Variants in HDAC9 observed in about 807,000 individuals in gnomAD.
HDAC9 encodes MEF-2 interacting transcription repressor (MITR) protein.
In HDAC9, 41 loss-of-function variants were observed where a neutral mutation model predicts 139.4. The ratio of observed to expected loss-of-function variants is 0.29; its 90% CI spans 0.23 to 0.38. The LOEUF is 0.38. Ranked by LOEUF, HDAC9 falls within the 10% of genes least tolerant of loss-of-function variation. The pLI, the probability that HDAC9 is intolerant of heterozygous loss-of-function variation, is 1.00. For missense variants in HDAC9, 1,147 were observed against 1,297.0 expected, an observed-to-expected ratio of 0.88 and a Z score of 1.78; for synonymous variants, 517 against 476.2, an observed-to-expected ratio of 1.09 and a Z score of -1.12.
At chr7:18,320,802 T>C (rs1339714114) in intron 1 of HDAC9, among the ~76,000 whole-genome samples, 1 of 152,138 alleles carries the variant, frequency 6.6e-6, no homozygotes, top group African/African-American at 2.4e-5. Flanking sequence ...GAAAGAGCAC[T>C]GGGCCGGGGG....
At chr7:18,505,869 TG>T (rs1799628921) in intron 2 of HDAC9, 1 of 152,230 alleles carries the variant, frequency 6.6e-6, no homozygotes, top group Non-Finnish European at 1.5e-5. Context: ...CATTAAAACC[TG>T]CAGATGTCCA....
intron 2 of HDAC9, among the ~76,000 whole-genome samples, chr7:18,579,834 T>C (rs1827220432): frequency 6.6e-6 from 1 of 152,052 alleles, no homozygotes; most frequent in African/African-American, 2.4e-5. Context: ...AACCTATTAT[T>C]TTGAACTCTA....
intron 1 of HDAC9, among the ~76,000 whole-genome samples, chr7:18,150,703 C>T (rs1288333763): frequency 6.6e-6 from 1 of 152,204 alleles, no homozygotes; most frequent in Non-Finnish European, 1.5e-5. Flanking sequence ...TGTTCCAACA[C>T]TGCTACTCCT....
At position 18,142,251 on chromosome 7, in the gene HDAC9, G is replaced by T. The variant is rs567543717; in HGVS notation, c.-96-19978G>T. ...AAAGGATTAGACATGTCTTAATTTG[G>T]CCCAAATAAGTAACTTAATTTGGCC... On this transcript the variant is annotated intron_variant, in intron 1 of 12. Transcript: ENST00000417496. 2.0e-5 allele frequency among the ~76,000 whole-genome samples: 3 copies of T among 152,080 alleles called. 1 individual carries two copies. The highest frequency in any genetic ancestry group is 4.8e-5 in the African/African-American group (2 of 41,472).
intron 8 of HDAC9, among the ~76,000 whole-genome samples, chr7:18,642,849 CAAAG>C (rs1786132590): frequency 6.6e-6 from 1 of 152,002 alleles, no homozygotes; most frequent in Non-Finnish European, 1.5e-5. Flanking sequence ...CTCTGGGAAA[CAAAG>C]AAAACTCTTT....
intron 1 of HDAC9, among the ~76,000 whole-genome samples, chr7:18,315,307 C>G (rs1562869412): frequency 6.6e-6 from 1 of 152,218 alleles, no homozygotes; most frequent in African/African-American, 2.4e-5. Context: ...TCCTTAACAT[C>G]TCATGAGGTG....
chr7:18,668,793 G>C, intron 12 of HDAC9: 3 of 982,182 alleles, frequency 3.1e-6, no homozygotes, highest in Non-Finnish European at 3.6e-6. Context: ...TTCCCTTCTT[G>C]CCTTCTGTTA....
intron 1 of HDAC9, among the ~76,000 whole-genome samples, chr7:18,093,838 A>G (rs1204534278): frequency 2.0e-5 from 3 of 152,134 alleles, no homozygotes; most frequent in Non-Finnish European, 4.4e-5. Context: ...AAATCTATTC[A>G]TAGATATTCT....
rs562794322 is a variant in HDAC9 at position 18,811,486 on chromosome 7, G to T, written c.2323-17675G>T. 4.0e-5 allele frequency among the ~76,000 whole-genome samples: 6 copies of T among 151,474 alleles called. No individual in the cohort carries two copies. The East Asian group carries it at 1.2e-3, about 29-fold the overall frequency. ...TTCTCTTTGAGTTCTTTTTTGACAC[G>T]TGAGTTATTTTAAAGTATATTATTT... On this transcript the variant is annotated intron_variant, in intron 17 of 25. Coordinates refer to ENST00000686413, the MANE Select transcript of HDAC9 (RefSeq NM_178425.4).
intron 21 of HDAC9, among the ~76,000 whole-genome samples, chr7:18,842,484 G>A (rs1197346264): frequency 2.0e-5 from 3 of 151,958 alleles, no homozygotes. Context: ...TCAATAAAAA[G>A]CAATACATAT....
At chr7:18,564,130 C>T (rs979947077) in intron 2 of HDAC9, among the ~76,000 whole-genome samples, 14 of 152,154 alleles carry the variant, frequency 9.2e-5, no homozygotes, top group Admixed American at 4.6e-4. Flanking sequence ...CCACCGCACT[C>T]GGCCAGATTG....
chr7:18,774,963 C>T (rs1432795788), intron 16 of HDAC9, among the ~76,000 whole-genome samples: 5 of 151,990 alleles, frequency 3.3e-5, no homozygotes, highest in African/African-American at 2.4e-5. Context: ...AGACGTGCAA[C>T]TCTTCCTTTT....
At chr7:18,594,119 T>C in intron 6 of HDAC9, 90 bp downstream of exon 6, 1 of 1,424,484 alleles carries the variant, frequency 7.0e-7, no homozygotes, top group Non-Finnish European at 9.7e-7. Context: ...AGTCAAAGGA[T>C]TTGAGTCGTA....
intron 24 of HDAC9, among the ~76,000 whole-genome samples, chr7:18,975,017 T>C (rs1450871789): frequency 1.3e-5 from 2 of 152,188 alleles, no homozygotes; most frequent in Non-Finnish European, 2.9e-5. Context: ...AGGGAGATTC[T>C]CCTGCTTTGA....
At chr7:18,803,686 T>C (rs1393433208) in intron 17 of HDAC9, among the ~76,000 whole-genome samples, 1 of 152,152 alleles carries the variant, frequency 6.6e-6, no homozygotes, top group African/African-American at 2.4e-5. Context: ...ATTTTTTTTC[T>C]CTTGGATTTC....
At chr7:18,947,912 T>C (rs1425528877) in intron 23 of HDAC9, among the ~76,000 whole-genome samples, 2 of 152,034 alleles carry the variant, frequency 1.3e-5, no homozygotes, top group African/African-American at 2.4e-5. Context: ...GGGTTTACTC[T>C]AGAAATATAA....
intron 1 of HDAC9, among the ~76,000 whole-genome samples, chr7:18,117,164 T>G (rs1784049695): frequency 6.6e-6 from 1 of 152,096 alleles, no homozygotes. Flanking sequence ...GCGACCTTAT[T>G]TGGAAAAAAG....
chr7:18,787,083 G>A (rs987321917), intron 16 of HDAC9, among the ~76,000 whole-genome samples: 1 of 152,048 alleles, frequency 6.6e-6, no homozygotes, highest in Admixed American at 6.6e-5. Flanking sequence ...GCCTATTTTA[G>A]TTACTTATAA....
chr7:18,354,644 A>G (rs959057809), intron 1 of HDAC9, among the ~76,000 whole-genome samples: 3 of 152,202 alleles, frequency 2.0e-5, no homozygotes, highest in Non-Finnish European at 4.4e-5. Context: ...AAATCAAACC[A>G]TTAATACCTA....
Sources: allele counts gnomAD v4.1 joint callset (sites outside exome capture counted in the v4.1 genomes callset), GRCh38; gene constraint gnomAD v4.1.1; transcripts MANE v1.5; gene names NCBI Gene and HGNC (gene_info 2026-07-23, HGNC 2026-07-21).